NFIC: variants seen among roughly 807,000 people sequenced by gnomAD.
The protein encoded by NFIC is nuclear factor I C.
A neutral mutation model predicts 54.4 loss-of-function variants in NFIC; 12 were observed. That is an observed-to-expected ratio of 0.22 (90% confidence interval 0.14 to 0.36). NFIC has a LOEUF of 0.36. NFIC is among the 10% of genes least tolerant of loss of function. The pLI, the probability that NFIC is intolerant of heterozygous loss-of-function variation, is 1.00. For missense variants in NFIC, 575 were observed against 718.2 expected (o/e 0.80, Z 2.28); for synonymous variants, 322 against 319.2 (o/e 1.01, Z -0.09).
intron 2 of NFIC, among the ~76,000 whole-genome samples, chr19:3,399,327 AG>A (rs1186860045): frequency 2.6e-5 from 4 of 152,200 alleles, no homozygotes; most frequent in Admixed American, 2.6e-4. Context: ...CTGTAATCCC[AG>A]CGCTTTGAGA....
Position 3,464,316 on chromosome 19 carries a change from C to T in NFIC, c.*1547C>T. ...GTCGCACCTTGGGGCCCCCCGCAGC[C>T]GTGTAGGGGGCCTCCCATCTGCTAA... On this transcript the variant is annotated 3_prime_UTR_variant, in exon 11 of 11. Coordinates refer to ENST00000443272, the MANE Select transcript of NFIC (RefSeq NM_001245002.2). 1.0e-6 allele frequency: 1 copy of T among 985,210 alleles called. No homozygotes were observed. The highest frequency in any genetic ancestry group is 4.7e-5 in the South Asian group (1 of 21,280). 61.0% of individuals were successfully genotyped at this position (985,210 alleles called of 1,614,324 possible). A position where few individuals can be genotyped will look rare whatever the true frequency, so the allele number is the denominator to read the frequency against.
chr19:3,429,231 C>CCAAAA (rs1413610827), intron 3 of NFIC, among the ~76,000 whole-genome samples: 5 of 36,732 alleles, frequency 1.4e-4, no homozygotes, highest in African/African-American at 6.0e-4. Flanking sequence ...ATCTCTACCC[C>CCAAAA]AAAAAAAAAA....
chr19:3,463,293 A>G lies in NFIC; in HGVS notation c.*524A>G. The G allele has an allele frequency of 2.0e-6, 2 of 989,028 alleles. No individual in the cohort carries two copies. Among genetic ancestry groups the G allele is most frequent in the Non-Finnish European group, 1.2e-6 (1 of 832,744 alleles). The allele number at this position is 989,028 out of a possible 1,614,324, so 61.3% of individuals were successfully genotyped here. A position where few individuals can be genotyped will look rare whatever the true frequency, so the allele number is the denominator to read the frequency against. On this transcript the variant is annotated 3_prime_UTR_variant, in exon 11 of 11. Coordinates refer to ENST00000443272, the MANE Select transcript of NFIC (RefSeq NM_001245002.2). ...CCGGGCCCCCGCGCCTCTGCCGGACACGGACCGGCCCCTCAGCCCCCACCG... is the reference window on the plus strand; with the variant it reads ...CCGGGCCCCCGCGCCTCTGCCGGACGCGGACCGGCCCCTCAGCCCCCACCG...
At chr19:3,462,672 C>G in intron 10 of NFIC, 80 bp from the exon 11 acceptor site, 1 of 1,507,484 alleles carries the variant, frequency 6.6e-7, no homozygotes, top group Non-Finnish European at 9.2e-7. Flanking sequence ...AGAGGTAAAC[C>G]ATGTCTGCAG....
In NFIC at chr19:3,370,136, T is replaced by C. The variant is rs997737080; in HGVS notation, c.30+3470T>C. Among the ~76,000 whole-genome samples, 1 of 152,176 alleles carries C rather than the reference T, an allele frequency of 6.6e-6. No homozygotes were observed. Among genetic ancestry groups the C allele is most frequent in the African/African-American group, 2.4e-5 (1 of 41,444 alleles). Reference sequence around the variant, plus strand: ...GGGTGCCTACCAGGAGCAGGGGGCCTGCAGCCCCTCAGTGCCGGGAGAGGG... The same window carrying C: ...GGGTGCCTACCAGGAGCAGGGGGCCCGCAGCCCCTCAGTGCCGGGAGAGGG... On this transcript the variant is annotated intron_variant, in intron 1 of 10. Transcript: ENST00000443272. This position sits in a 1 kb window ranked among gnomAD's most constrained non-coding sequence, Gnocchi z 5.2.
At chr19:3,398,716 G>C (rs1455728547) in intron 2 of NFIC, among the ~76,000 whole-genome samples, 2 of 152,152 alleles carry the variant, frequency 1.3e-5, no homozygotes, top group Non-Finnish European at 2.9e-5. Flanking sequence ...CCCGGGACAG[G>C]TTGCTGCCGG....
At chr19:3,384,419 C>T (rs989445558) in intron 2 of NFIC, among the ~76,000 whole-genome samples, 5 of 150,832 alleles carry the variant, frequency 3.3e-5, no homozygotes, top group South Asian at 2.1e-4. Context: ...GATGGAGTTT[C>T]GCCCTGTTCC....
chr19:3,438,092 C>A (rs2082233332), intron 6 of NFIC, among the ~76,000 whole-genome samples: 1 of 152,120 alleles, frequency 6.6e-6, no homozygotes, highest in African/African-American at 2.4e-5. Flanking sequence ...GCCAAAGCAA[C>A]CCTGAGAGGA....
At chr19:3,435,374 A>G (rs1205768614) in intron 6 of NFIC, among the ~76,000 whole-genome samples, 167 bp downstream of exon 6, 10 of 152,212 alleles carry the variant, frequency 6.6e-5, no homozygotes, top group Non-Finnish European at 1.3e-4. Context: ...GGCTGGAAGT[A>G]CGGTCCGGGT....
In NFIC at chr19:3,463,442, T is replaced by C; in HGVS notation, c.*673T>C. ...GGGGGTGCGTGGCGCTTGCGAGCCC[T>C]GGCCAGGGGAGGAAGTGAGGCCCAG... On this transcript the variant is annotated 3_prime_UTR_variant, in exon 11 of 11. Coordinates refer to ENST00000443272, the MANE Select transcript of NFIC (RefSeq NM_001245002.2). 1 of 985,318 alleles carries C rather than the reference T, an allele frequency of 1.0e-6. No homozygotes were observed. Among genetic ancestry groups the C allele is most frequent in the Non-Finnish European group, 1.2e-6 (1 of 829,990 alleles). 61.0% of individuals were successfully genotyped at this position (985,318 alleles called of 1,614,324 possible).
rs1009581184 is a variant in NFIC at position 3,370,393 on chromosome 19, C to A, written c.30+3727C>A. Among the ~76,000 whole-genome samples, 1 of 152,082 alleles carries A rather than the reference C, an allele frequency of 6.6e-6. No individual in the cohort carries two copies. Among genetic ancestry groups the A allele is most frequent in the Admixed American group, 6.5e-5 (1 of 15,268 alleles). On this transcript the variant is annotated intron_variant, in intron 1 of 10. Coordinates refer to ENST00000443272, the MANE Select transcript of NFIC (RefSeq NM_001245002.2). The surrounding 1 kb of genome is among the most constrained non-coding windows in gnomAD (Gnocchi z 5.2). ...CATCTCTCTCTGTTTCTCCCCCTCCCCTCTCTGCGGCGGAGGTGCCTCTGC... is the reference window on the plus strand; with the variant it reads ...CATCTCTCTCTGTTTCTCCCCCTCCACTCTCTGCGGCGGAGGTGCCTCTGC...
At chr19:3,444,514 G>C (rs535034265) in intron 6 of NFIC, among the ~76,000 whole-genome samples, 24 of 152,338 alleles carry the variant, frequency 1.6e-4, no homozygotes, top group African/African-American at 5.5e-4. Context: ...TGGAGGCGGG[G>C]TGCAGAGTCA....
At chr19:3,435,520 A>G (rs1172392419) in intron 6 of NFIC, among the ~76,000 whole-genome samples, 1 of 151,956 alleles carries the variant, frequency 6.6e-6, no homozygotes, top group East Asian at 1.9e-4. Context: ...CTCAGTAGTG[A>G]CTCTGATCAA....
chr19:3,409,559 G>A (rs1416750528), intron 2 of NFIC, among the ~76,000 whole-genome samples: 1 of 152,180 alleles, frequency 6.6e-6, no homozygotes, highest in Admixed American at 6.5e-5. Flanking sequence ...TTCCGTGAGT[G>A]CCGGGTGTGC....
rs1289861757 is a variant in NFIC, at chr19:3,454,029, G to A, written c.1423+113G>A. 1.1e-5 allele frequency: 15 copies of A among 1,385,762 alleles called. No homozygotes were observed. The Admixed American group carries it at 1.1e-4, about 10-fold the overall frequency. The allele number at this position is 1,385,762 out of a possible 1,614,324, so 85.8% of individuals were successfully genotyped here. ...CAGGCCCGACCCTGCAGGGCCTGGC[G>A]AGTTTGGTGGGTCTCCGGAAAACAG... On this transcript the variant is annotated intron_variant, in intron 9 of 10. Coordinates refer to ENST00000443272, the MANE Select transcript of NFIC (RefSeq NM_001245002.2).
In NFIC at chr19:3,452,688, C is replaced by T. The variant is rs560416168; in HGVS notation, c.1269+22C>T. The T allele has an allele frequency of 1.7e-5, 26 of 1,570,306 alleles. No individual in the cohort carries two copies. The highest frequency in any genetic ancestry group is 1.3e-4 in the African/African-American group (10 of 74,248). On this transcript the variant is annotated intron_variant, in intron 8 of 10. Coordinates refer to ENST00000443272, the MANE Select transcript of NFIC (RefSeq NM_001245002.2). This position sits in a 1 kb window ranked among gnomAD's most constrained non-coding sequence, Gnocchi z 5.3. ...ACCGGTGAGTTGGGCGGGGCGCATT[C>T]GGGCCTCTCCTGGCGGCTCCAGGTG...
chr19:3,433,698 C>T lies in NFIC; in HGVS notation c.709+106C>T. ...CTACTCCTTGTCCTTTCCAGACAACCCCCTGTGTCACTAAGCCAAGGTTCC... is the reference window on the plus strand; with the variant it reads ...CTACTCCTTGTCCTTTCCAGACAACTCCCTGTGTCACTAAGCCAAGGTTCC... On this transcript the variant is annotated intron_variant, in intron 4 of 10. Transcript: ENST00000443272. 3.4e-6 allele frequency: 4 copies of T among 1,183,580 alleles called. No homozygotes were observed. The South Asian group carries it at 5.2e-5, about 15-fold the overall frequency. The allele number at this position is 1,183,580 out of a possible 1,614,324, so 73.3% of individuals were successfully genotyped here.
intron 3 of NFIC, among the ~76,000 whole-genome samples, chr19:3,428,896 C>T (rs993974360): frequency 3.3e-5 from 5 of 152,106 alleles, no homozygotes; most frequent in Admixed American, 6.6e-5. Context: ...TTCTCCTGGA[C>T]ACTCGGGGGC....
At chr19:3,438,053 A>C (rs1477327041) in intron 6 of NFIC, among the ~76,000 whole-genome samples, 2 of 152,160 alleles carry the variant, frequency 1.3e-5, no homozygotes, top group East Asian at 3.8e-4. Context: ...CTGCACGCTA[A>C]TTAAAGTGAA....
Sources: gnomAD v4.1 joint callset for allele counts (sites outside exome capture counted in the v4.1 genomes callset) on GRCh38, gnomAD v4.1.1 for gene constraint, Gnocchi (gnomAD v3.1) non-coding constraint, MANE v1.5 for transcripts, NCBI Gene and HGNC (gene_info 2026-07-23, HGNC 2026-07-21) for gene names.